The following MPPED2 variants were observed in gnomAD, a reference collection of about 807,000 sequenced individuals.
MPPED2 encodes the protein metallophosphoesterase MPPED2.
In MPPED2, 5 loss-of-function variants were observed where a neutral mutation model predicts 33.0. The observed-to-expected ratio is 0.15, with a 90% CI of 0.08 to 0.32. The LOEUF (loss-of-function observed/expected upper bound fraction) is 0.32. Among genes scored for constraint, MPPED2 ranks in the 10% least tolerant of loss-of-function variants. MPPED2 has a pLI of 1.00. For synonymous variants in MPPED2, 136 were observed against 141.9 expected, an observed-to-expected ratio of 0.96 and a Z score of 0.29; for missense variants, 275 against 372.1, an observed-to-expected ratio of 0.74 and a Z score of 2.15.
At chr11:30,545,293 T>C (rs937687710) in intron 2 of MPPED2, among the ~76,000 whole-genome samples, 2 of 152,128 alleles carry the variant, frequency 1.3e-5, no homozygotes, top group African/African-American at 4.8e-5. Flanking sequence ...TCTAGGTATA[T>C]AGTGACAAAA....
intron 4 of MPPED2, among the ~76,000 whole-genome samples, chr11:30,457,692 C>T (rs1950337318): frequency 6.6e-6 from 1 of 152,110 alleles, no homozygotes; most frequent in Non-Finnish European, 1.5e-5. Context: ...TTAATAAATT[C>T]CCAAACCAGG....
At chr11:30,516,619 C>T (rs1054732139) in intron 3 of MPPED2, among the ~76,000 whole-genome samples, 4 of 152,092 alleles carry the variant, frequency 2.6e-5, no homozygotes, top group African/African-American at 9.7e-5. Context: ...TGGGTAATTG[C>T]CATCAGATGT....
intron 4 of MPPED2, among the ~76,000 whole-genome samples, chr11:30,446,202 G>A (rs1013339317): frequency 6.6e-6 from 1 of 152,196 alleles, no homozygotes; most frequent in African/African-American, 2.4e-5. Context: ...TTCTGTGTGC[G>A]GTTAGAGGAG....
intron 2 of MPPED2, among the ~76,000 whole-genome samples, chr11:30,569,793 T>A (rs537127549): frequency 6.6e-6 from 1 of 152,296 alleles, no homozygotes; most frequent in South Asian, 2.1e-4. Context: ...TCCTTTCATA[T>A]GCTAGATTCA....
intron 1 of MPPED2, among the ~76,000 whole-genome samples, chr11:30,585,405 G>C (rs942442148): frequency 5.1e-4 from 77 of 151,868 alleles, no homozygotes; most frequent in African/African-American, 1.8e-3. Flanking sequence ...GGGGGCGGCC[G>C]CGGGGCGCAG....
intron 3 of MPPED2, among the ~76,000 whole-genome samples, chr11:30,533,454 C>T (rs1427280254): frequency 2.0e-5 from 3 of 152,054 alleles, no homozygotes; most frequent in African/African-American, 7.2e-5. Context: ...GACCCATGCC[C>T]CACTGACAGT....
intron 3 of MPPED2, among the ~76,000 whole-genome samples, chr11:30,498,012 G>A (rs1183512574): frequency 2.0e-5 from 3 of 151,100 alleles, no homozygotes; most frequent in African/African-American, 4.9e-5. Context: ...TGTTTTATAT[G>A]AAAAGTGTAA....
intron 4 of MPPED2, among the ~76,000 whole-genome samples, chr11:30,445,793 GT>G (rs1949778018): frequency 6.6e-6 from 1 of 152,166 alleles, no homozygotes; most frequent in East Asian, 1.9e-4. Context: ...ATTTCCTTCT[GT>G]TTTAAGGCTG....
intron 2 of MPPED2, among the ~76,000 whole-genome samples, chr11:30,564,294 T>C (rs1211900679): frequency 6.6e-6 from 1 of 152,160 alleles, no homozygotes. Context: ...CTCTGGGTGT[T>C]CTATACCTAG....
intron 6 of MPPED2, among the ~76,000 whole-genome samples, chr11:30,400,324 C>T (rs1175197174): frequency 2.0e-5 from 3 of 152,172 alleles, no homozygotes; most frequent in African/African-American, 7.2e-5. Flanking sequence ...AATCCTCCCA[C>T]TCCTGCCTCC....
intron 3 of MPPED2, among the ~76,000 whole-genome samples, chr11:30,530,070 AC>A (rs1046510216): frequency 2.0e-5 from 3 of 152,160 alleles, no homozygotes; most frequent in Non-Finnish European, 2.9e-5. Context: ...TTATACGTAA[AC>A]TTTTGACTGA....
chr11:30,547,930 C>A (rs931869671), intron 2 of MPPED2, among the ~76,000 whole-genome samples: 1 of 152,134 alleles, frequency 6.6e-6, no homozygotes, highest in African/African-American at 2.4e-5. Context: ...GGCATACATA[C>A]CAAACTGTAA....
rs17308330 is a variant in MPPED2 at position 30,446,659 on chromosome 11, A to G, written c.537-29026T>C. Among the ~76,000 whole-genome samples, 1,065 of 152,280 alleles carry G rather than the reference A, an allele frequency of 7.0e-3. 7 individuals carry two copies. Among genetic ancestry groups the G allele is most frequent in the Non-Finnish European group, 0.012 (822 of 68,012 alleles). On this transcript the variant is annotated intron_variant, in intron 4 of 6. Transcript: ENST00000358117. ...GTAAAGCAATTAGAGAGCTCCTTGT[A>G]TATTTCAATCTGGTTAATGGCTTCC... is the stretch of plus-strand genomic sequence containing the variant.
chr11:30,392,767 C>G (rs1947796492), intron 6 of MPPED2, among the ~76,000 whole-genome samples: 1 of 152,164 alleles, frequency 6.6e-6, no homozygotes, highest in African/African-American at 2.4e-5. Flanking sequence ...ATGCTCCCCA[C>G]TTAAGGTTTG....
intron 2 of MPPED2, among the ~76,000 whole-genome samples, chr11:30,577,240 T>C (rs1341298129): frequency 6.6e-6 from 1 of 152,110 alleles, no homozygotes; most frequent in Non-Finnish European, 1.5e-5. Context: ...CTGAGACTAA[T>C]TGAATTAAAT....
chr11:30,473,297 A>G (rs1951031633), intron 4 of MPPED2, among the ~76,000 whole-genome samples: 1 of 152,072 alleles, frequency 6.6e-6, no homozygotes, highest in South Asian at 2.1e-4. Context: ...CCTCACAATC[A>G]AACTCTCTAA....
intron 2 of MPPED2, 94 bp downstream of exon 2, chr11:30,580,152 G>C (rs1388200476): frequency 8.9e-6 from 11 of 1,241,886 alleles, no homozygotes; most frequent in Middle Eastern, 2.0e-4. Flanking sequence ...TTACCTTTTA[G>C]TCTCCCTAGC....
At chr11:30,519,882 A>C (rs987398919) in intron 3 of MPPED2, among the ~76,000 whole-genome samples, 1 of 152,194 alleles carries the variant, frequency 6.6e-6, no homozygotes, top group Non-Finnish European at 1.5e-5. Flanking sequence ...CTTGGTGGGC[A>C]CTGAGTCTCA....
chr11:30,394,682 A>G lies in MPPED2; in HGVS notation c.767-5726T>C, dbSNP rs187659861. ...TTTGTTTGATATGTGATGTGAAAAT[A>G]TTTTCTCCCACTCTGTAATTTGTAT... On this transcript the variant is annotated intron_variant, in intron 6 of 6. Transcript: ENST00000448418. Among the ~76,000 whole-genome samples the G allele has an allele frequency of 8.5e-5, 13 of 152,206 alleles. 1 individual carries two copies. The highest frequency in any genetic ancestry group is 7.2e-4 in the Admixed American group (11 of 15,290).
Sources: allele counts gnomAD v4.1 joint callset (sites outside exome capture counted in the v4.1 genomes callset), GRCh38; gene constraint gnomAD v4.1.1; transcripts MANE v1.5; gene names NCBI Gene and HGNC (gene_info 2026-07-23, HGNC 2026-07-21).